NODAL: variants seen among roughly 807,000 people sequenced by gnomAD.
The protein encoded by NODAL is nodal homolog.
In NODAL, 12 loss-of-function variants were observed where a neutral mutation model predicts 34.0. The ratio of observed to expected loss-of-function variants is 0.35; its 90% CI spans 0.23 to 0.57. The LOEUF is 0.57. Ranked by LOEUF, NODAL falls within the 20% of genes least tolerant of loss-of-function variation. The pLI, the probability that NODAL is intolerant of heterozygous loss-of-function variation, is 0.83. For missense variants in NODAL, 390 were observed against 444.2 expected (o/e 0.88, Z 1.10); for synonymous variants, 162 against 186.4 (o/e 0.87, Z 1.07).
At position 70,441,493 on chromosome 10, in the gene NODAL, G is replaced by T; in HGVS notation, c.175C>A (p.Arg59Ser). 6.3e-7 allele frequency: 1 copy of T among 1,591,204 alleles called. No homozygotes were observed. The highest frequency in any genetic ancestry group is 8.5e-7 in the Non-Finnish European group (1 of 1,170,498). Reference sequence around the variant, plus strand: ...TGCCTACCTTCTGCCTGTAGGCTGCGGATGATGTCTGCCCTCGGCAGCGGG... The same window carrying T: ...TGCCTACCTTCTGCCTGTAGGCTGCTGATGATGTCTGCCCTCGGCAGCGGG... ...RDPLPRADII[R>S]SLQAEDVAVD... is the part of the protein sequence containing the mutation. Residue 59 changes from arginine to serine, a missense_variant, in exon 1 of 3, where the codon CGC becomes AGC. Transcript: ENST00000287139.
chr10:70,446,628 T>A (rs542655450), upstream of NODAL, among the ~76,000 whole-genome samples: 1 of 152,144 alleles, frequency 6.6e-6, no homozygotes. Context: ...ATCAAGGACA[T>A]GTGTTTAGTG....
chr10:70,441,819 G>A (rs551089677), upstream of NODAL: 4 of 821,486 alleles, frequency 4.9e-6, no homozygotes, highest in Middle Eastern at 3.6e-4. Context: ...CTCCTGCTGG[G>A]GATGGGCGAG....
At position 70,441,646 on chromosome 10, in the gene NODAL, A is replaced by C; in HGVS notation, c.22T>G (p.Phe8Val). The change falls in exon 1 of 3, where the codon TTC becomes GTC. Residue 8 changes from phenylalanine to valine, a missense_variant. Phe to Val is a conservative substitution (Grantham distance 50, BLOSUM62 -1). Coordinates refer to ENST00000287139, the MANE Select transcript of NODAL (RefSeq NM_018055.5). ...AGGGCCCACCAGGCGTGCAGAAGGAAGGGCAGGCAGTGGGCGTGCATGGTG... is the reference window on the plus strand; with the variant it reads ...AGGGCCCACCAGGCGTGCAGAAGGACGGGCAGGCAGTGGGCGTGCATGGTG... MHAHCLP[F>V]LLHAWWALLQ... is the part of the protein sequence containing the mutation. 6.4e-7 allele frequency: 1 copy of C among 1,550,400 alleles called. No homozygotes were observed. The highest frequency in any genetic ancestry group is 8.7e-7 in the Non-Finnish European group (1 of 1,147,528).
chr10:70,439,805 A>G (rs1384603366), intron 1 of NODAL, among the ~76,000 whole-genome samples: 1 of 152,250 alleles, frequency 6.6e-6, no homozygotes, highest in Non-Finnish European at 1.5e-5. Flanking sequence ...GGCCGGTCAC[A>G]GTGGCTCACG....
rs958293499 is a variant in NODAL, at chr10:70,447,325, C to T, written c.28+599G>A. 5.3e-5 allele frequency among the ~76,000 whole-genome samples: 8 copies of T among 151,994 alleles called. 1 individual carries two copies. The South Asian group carries it at 1.5e-3, about 28-fold the overall frequency. On this transcript the variant is annotated intron_variant, in intron 1 of 2. Coordinates refer to the NODAL transcript ENST00000414871. ...CCAACCTCAGATGATCCATCCACCT[C>T]GGCCTCCCAGAGTGCTGGGATTACA...
chr10:70,443,143 G>A (rs933532554), upstream of NODAL, among the ~76,000 whole-genome samples: 1 of 152,120 alleles, frequency 6.6e-6, no homozygotes, highest in Non-Finnish European at 1.5e-5. Context: ...GCTGCGACCT[G>A]AGCAGGTTGT....
rs1845347178 is a variant in NODAL at position 70,435,923 on chromosome 10, T to C, written c.254A>G (p.Gln85Arg). Residue 85 changes from glutamine to arginine, a missense_variant, in exon 2 of 3, where the codon CAA becomes CGA. Physicochemically the swap from Gln to Arg is conservative, Grantham distance 43 (BLOSUM62 1). Coordinates refer to ENST00000287139, the MANE Select transcript of NODAL (RefSeq NM_018055.5). The stretch of plus-strand genomic sequence containing the variant: ...GAGCTCAGCCCATGCCAGATCCTCT[T>C]GTTGGCTCAGGAAGGAGAAGTCAAA... ...FAFDFSFLSQ[Q>R]EDLAWAELRL... 1.9e-6 allele frequency: 3 copies of C among 1,614,176 alleles called. No individual in the cohort carries two copies. The highest frequency in any genetic ancestry group is 2.5e-6 in the Non-Finnish European group (3 of 1,180,036).
chr10:70,436,842 A>C (rs1212060413), intron 1 of NODAL, among the ~76,000 whole-genome samples: 1 of 152,226 alleles, frequency 6.6e-6, no homozygotes, highest in Non-Finnish European at 1.5e-5. Context: ...AGAAGCTTCC[A>C]GAAGGCTGAA....
At position 70,432,666 on chromosome 10, in the gene NODAL, C is replaced by A; in HGVS notation, c.*270G>T. Reference sequence around the variant, plus strand: ...AAGAACTCATGCACTTGTGCTTTTCCTTGCCACTGTCTTTTCAGTAAAGAG... The same window carrying A: ...AAGAACTCATGCACTTGTGCTTTTCATTGCCACTGTCTTTTCAGTAAAGAG... On this transcript the variant is annotated 3_prime_UTR_variant, in exon 3 of 3. Transcript: ENST00000287139. 2.0e-6 allele frequency: 1 copy of A among 500,940 alleles called. No individual in the cohort carries two copies. Among genetic ancestry groups the A allele is most frequent in the South Asian group, 2.1e-5 (1 of 47,994 alleles). The allele number at this position is 500,940 out of a possible 1,614,324, so 31.0% of individuals were successfully genotyped here. A position where few individuals can be genotyped will look rare whatever the true frequency, so the allele number is the denominator to read the frequency against.
intron 1 of NODAL, among the ~76,000 whole-genome samples, chr10:70,439,309 C>G (rs1252090125): frequency 6.6e-6 from 1 of 152,134 alleles, no homozygotes; most frequent in Non-Finnish European, 1.5e-5. Flanking sequence ...GCCCCACCTC[C>G]AGTTCTGAAG....
Position 70,432,094 on chromosome 10 carries a change from G to C in NODAL, c.*842C>G, listed in dbSNP as rs578096863. 6.6e-6 allele frequency among the ~76,000 whole-genome samples: 1 copy of C among 152,346 alleles called. No individual in the cohort carries two copies. ...GCTGTGACCATAGAGCAAGTATCTT[G>C]CCACCCAGGGCAAGGCCTTCACCAC... On this transcript the variant is annotated 3_prime_UTR_variant, in exon 3 of 3. Coordinates refer to ENST00000287139, the MANE Select transcript of NODAL (RefSeq NM_018055.5).
upstream of NODAL, among the ~76,000 whole-genome samples, chr10:70,446,503 G>A (rs961076795): frequency 2.0e-5 from 3 of 152,150 alleles, no homozygotes; most frequent in African/African-American, 7.2e-5. Flanking sequence ...GTAAATGTGT[G>A]TAAAGTGTAT....
chr10:70,439,271 G>A (rs61302655), intron 1 of NODAL, among the ~76,000 whole-genome samples: 1,538 of 152,272 alleles, frequency 0.01, 23 homozygotes, highest in African/African-American at 0.035. Context: ...CCGAAGTGCT[G>A]GGTTACAGGC....
chr10:70,443,532 AT>A, upstream of NODAL, among the ~76,000 whole-genome samples: 1 of 152,168 alleles, frequency 6.6e-6, no homozygotes, highest in South Asian at 2.1e-4. Flanking sequence ...AAAAAAAAAA[AT>A]AAAAACAAGT....
At chr10:70,438,475 A>G (rs1845384810) in intron 1 of NODAL, among the ~76,000 whole-genome samples, 1 of 152,182 alleles carries the variant, frequency 6.6e-6, no homozygotes, top group African/African-American at 2.4e-5. Flanking sequence ...GGGAGATGGT[A>G]AAAGTAGCCA....
In NODAL at chr10:70,433,177, G is replaced by A. The variant is rs952203366; in HGVS notation, c.892-89C>T. ...GGGTAAAGAGTAAAAAAGTTACGGA[G>A]TTAAAGTCAGTTCCTGAGTGCAAAA... On this transcript the variant is annotated intron_variant, in intron 2 of 2. Transcript: ENST00000287139. 5 of 1,477,882 alleles carry A rather than the reference G, an allele frequency of 3.4e-6. No homozygotes were observed. The African/African-American group carries it at 6.9e-5, about 20-fold the overall frequency. The allele number at this position is 1,477,882 out of a possible 1,614,324, so 91.5% of individuals were successfully genotyped here.
At position 70,441,365 on chromosome 10, in the gene NODAL, C is replaced by T; in HGVS notation, c.193+110G>A. 3.9e-6 allele frequency: 5 copies of T among 1,284,074 alleles called. 1 individual carries two copies. In the South Asian group the frequency reaches 5.4e-5, roughly 14 times the overall value. The allele number at this position is 1,284,074 out of a possible 1,614,324, so 79.5% of individuals were successfully genotyped here. ...CGGGACGCCCGGGCGGCTGCAAACC[C>T]GGCTCGGAGCCGCAGCCCCCAACCC... On this transcript the variant is annotated intron_variant, in intron 1 of 2. Coordinates refer to ENST00000287139, the MANE Select transcript of NODAL (RefSeq NM_018055.5).
Position 70,435,536 on chromosome 10 carries a change from C to G in NODAL, c.641G>C (p.Trp214Ser). Residue 214 changes from tryptophan to serine, a missense_variant, in exon 2 of 3, where the codon TGG becomes TCG. Physicochemically the swap from Trp to Ser is radical, Grantham distance 177. Coordinates refer to ENST00000287139, the MANE Select transcript of NODAL (RefSeq NM_018055.5). Reference protein sequence around the residue: ...QRQLGGSTLLWEAESSWRAQE... With the variant: ...QRQLGGSTLLSEAESSWRAQE... ...GGCCCGCCAGGAGCTCTCGGCTTCC[C>G]ACAGCAAGGTGGACCCACCCAGCTG... 1 of 1,614,132 alleles carries G rather than the reference C, an allele frequency of 6.2e-7. No homozygotes were observed. Among genetic ancestry groups the G allele is most frequent in the East Asian group, 2.2e-5 (1 of 44,884 alleles).
At chr10:70,436,203 A>T (rs376492899) in intron 1 of NODAL, 1 of 586,620 alleles carries the variant, frequency 1.7e-6, no homozygotes, top group African/African-American at 1.9e-5. Context: ...CCAAGGTGTC[A>T]TTCTTGGAAG....
Sources: allele counts gnomAD v4.1 joint callset (sites outside exome capture counted in the v4.1 genomes callset), GRCh38; gene constraint gnomAD v4.1.1; transcripts MANE v1.5; gene names NCBI Gene and HGNC (gene_info 2026-07-23, HGNC 2026-07-21).